Variants in KLHL4 observed in about 807,000 individuals in gnomAD.
KLHL4 encodes the protein kelch-like protein 4.
KLHL4 carries 17 observed loss-of-function variants against 45.8 expected under a neutral mutation model. That is an observed-to-expected ratio of 0.37 (90% CI 0.25 to 0.56). KLHL4 has a LOEUF of 0.56. Among genes scored for constraint, KLHL4 ranks in the 20% least tolerant of loss-of-function variants. The probability of loss-of-function intolerance (pLI) is 0.79; values close to 1 mark genes in which losing one functional copy is unlikely to be tolerated. For missense variants in KLHL4, 544 were observed against 544.9 expected, an observed-to-expected ratio of 1.00 and a Z score of 0.02; for synonymous variants, 224 against 189.9, an observed-to-expected ratio of 1.18 and a Z score of -1.47.
chrX:87,589,107 A>G (rs1921577083), intron 1 of KLHL4, among the ~76,000 whole-genome samples: 1 of 112,109 alleles, frequency 8.9e-6, no homozygotes, highest in Non-Finnish European at 1.9e-5. Context: ...CTACAATGAG[A>G]TATTATCTCA....
chrX:87,575,564 T>A (rs1182133062), intron 1 of KLHL4, among the ~76,000 whole-genome samples: 1 of 111,985 alleles, frequency 8.9e-6, no homozygotes, highest in African/African-American at 3.2e-5. Context: ...GTTATAGTTA[T>A]CCTGTAAATG....
intron 9 of KLHL4, among the ~76,000 whole-genome samples, chrX:87,656,098 T>G (rs1166319546): frequency 9.0e-6 from 1 of 111,112 alleles, no homozygotes; most frequent in Non-Finnish European, 1.9e-5. Context: ...ACTATATGCT[T>G]TTCTTTTGCT....
intron 1 of KLHL4, among the ~76,000 whole-genome samples, chrX:87,521,042 C>A (rs1219414795): frequency 9.0e-6 from 1 of 111,650 alleles, no homozygotes; most frequent in Non-Finnish European, 1.9e-5. Flanking sequence ...ATTTATGGGC[C>A]AAGAACATGC....
At chrX:87,634,285 A>G (rs747200332) in intron 8 of KLHL4, among the ~76,000 whole-genome samples, 34 of 111,490 alleles carry the variant, frequency 3.0e-4, no homozygotes, top group African/African-American at 1.1e-3. Flanking sequence ...TAGTCTGTCT[A>G]TGGATATAAC....
intron 1 of KLHL4, among the ~76,000 whole-genome samples, chrX:87,583,476 C>T (rs1437870792): frequency 3.6e-5 from 4 of 112,055 alleles, no homozygotes; most frequent in Admixed American, 9.4e-5. Context: ...CTTGCATCTT[C>T]GATGCCATGT....
rs1457537929 is a variant in KLHL4, at chrX:87,668,356, A to G, written c.*1822A>G. The G allele has an allele frequency of 2.1e-5, 16 of 752,411 alleles. No homozygotes were observed. The highest frequency in any genetic ancestry group is 2.3e-5 in the Non-Finnish European group (15 of 638,678). The allele number at this position is 752,411 out of a possible 1,213,427, so 62.0% of individuals were successfully genotyped here. A position where few individuals can be genotyped will look rare whatever the true frequency, so the allele number is the denominator to read the frequency against. ...CTACCAATAGGCAGACTGTGTCTAG[A>G]GTCATGCATGGACAAGAGGAAAGTG... is the stretch of plus-strand genomic sequence containing the variant. On this transcript the variant is annotated 3_prime_UTR_variant, in exon 11 of 11. Coordinates refer to ENST00000373119, the MANE Select transcript of KLHL4 (RefSeq NM_019117.5).
At chrX:87,611,133 C>A (rs753133655) in intron 1 of KLHL4, among the ~76,000 whole-genome samples, 21 of 111,486 alleles carry the variant, frequency 1.9e-4, no homozygotes, top group African/African-American at 3.6e-4. Flanking sequence ...TAAAAAATTG[C>A]TTTTATTAAA....
At chrX:87,634,421 G>C (rs892777627) in intron 8 of KLHL4, among the ~76,000 whole-genome samples, 1 of 111,015 alleles carries the variant, frequency 9.0e-6, no homozygotes, top group Non-Finnish European at 1.9e-5. Flanking sequence ...TATCACTTCC[G>C]AGATATTATA....
Position 87,668,279 on chromosome X carries a change from TC to T in KLHL4, c.*1746del. 2 of 753,541 alleles carry T rather than the reference TC, an allele frequency of 2.7e-6. No homozygotes were observed. Among genetic ancestry groups the T allele is most frequent in the Non-Finnish European group, 3.1e-6 (2 of 638,610 alleles). 62.1% of individuals were successfully genotyped at this position (753,541 alleles called of 1,213,427 possible). ...TGTGGGTGTCAACCAGTGGAAAAGA[TC>T]AAAGGACCTTTTGCAGCCTAGCTTG... On this transcript the variant is annotated 3_prime_UTR_variant, in exon 11 of 11. Transcript: ENST00000373119.
chrX:87,652,761 C>G (rs2147837355), intron 9 of KLHL4, among the ~76,000 whole-genome samples: 1 of 112,091 alleles, frequency 8.9e-6, no homozygotes, highest in Non-Finnish European at 1.9e-5. Context: ...CTGTTCCAAC[C>G]TCTGCCTGTT....
intron 5 of KLHL4, among the ~76,000 whole-genome samples, chrX:87,624,585 T>C (rs12558054): frequency 0.039 from 4,347 of 111,120 alleles, 87 homozygotes; most frequent in East Asian, 0.14. Flanking sequence ...TGTAATAAGA[T>C]TGCCTCTTCT....
intron 9 of KLHL4, among the ~76,000 whole-genome samples, chrX:87,651,698 G>T (rs1431290807): frequency 1.8e-5 from 2 of 112,284 alleles, no homozygotes; most frequent in Non-Finnish European, 3.8e-5. Flanking sequence ...GGCAGCTCTG[G>T]CCCTGTGGCT....
At chrX:87,663,362 T>G (rs925353076) in intron 9 of KLHL4, among the ~76,000 whole-genome samples, 5 of 112,360 alleles carry the variant, frequency 4.4e-5, no homozygotes, top group African/African-American at 1.6e-4. Context: ...TACTTTTGTC[T>G]TTTATAACTG....
Position 87,669,311 on chromosome X carries a change from C to A in KLHL4, c.*2777C>A. Reference sequence around the variant, plus strand: ...ATGATTCTCTAACACTGTCTGTCACCTTCCTGTATTTCCACAGAGCATGCA... The same window carrying A: ...ATGATTCTCTAACACTGTCTGTCACATTCCTGTATTTCCACAGAGCATGCA... On this transcript the variant is annotated 3_prime_UTR_variant, in exon 11 of 11. Transcript: ENST00000373119. 8.3e-7 allele frequency: 1 copy of A among 1,208,212 alleles called. No homozygotes were observed. Among genetic ancestry groups the A allele is most frequent in the Non-Finnish European group, 1.1e-6 (1 of 893,611 alleles).
intron 9 of KLHL4, among the ~76,000 whole-genome samples, chrX:87,652,027 A>C (rs979678665): frequency 8.9e-6 from 1 of 112,344 alleles, no homozygotes; most frequent in African/African-American, 3.2e-5. Flanking sequence ...AACCCCAATT[A>C]TTGACTTATG....
intron 1 of KLHL4, among the ~76,000 whole-genome samples, chrX:87,563,175 A>T (rs973783801): frequency 1.8e-5 from 2 of 110,864 alleles, no homozygotes; most frequent in African/African-American, 6.5e-5. Context: ...ACATAAGCCC[A>T]AACTGTGAAG....
At chrX:87,651,205 C>T (rs1923803916) in intron 9 of KLHL4, among the ~76,000 whole-genome samples, 1 of 111,496 alleles carries the variant, frequency 9.0e-6, no homozygotes. Context: ...ATTCAATTAT[C>T]TCCCACCGGG....
At chrX:87,546,222 T>C (rs772033157) in intron 1 of KLHL4, among the ~76,000 whole-genome samples, 1 of 110,908 alleles carries the variant, frequency 9.0e-6, no homozygotes, top group East Asian at 2.9e-4. Flanking sequence ...CAGAGGCATA[T>C]GAGGAAAAAA....
intron 1 of KLHL4, among the ~76,000 whole-genome samples, chrX:87,566,263 A>G (rs1007537663): frequency 6.3e-5 from 7 of 111,257 alleles, no homozygotes; most frequent in East Asian, 5.7e-4. Context: ...GTTAACAGAC[A>G]AACAAAGATT....
Sources: allele counts gnomAD v4.1 joint callset (sites outside exome capture counted in the v4.1 genomes callset), GRCh38; gene constraint gnomAD v4.1.1; transcripts MANE v1.5; gene names NCBI Gene and HGNC (gene_info 2026-07-23, HGNC 2026-07-21).